C1D: variants seen among roughly 807,000 people sequenced by gnomAD.
C1D encodes the protein nuclear nucleic acid-binding protein C1D.
In C1D, 10 loss-of-function variants were observed where a neutral mutation model predicts 17.5. The observed-to-expected ratio is 0.57, with a 90% confidence interval of 0.35 to 0.97. The LOEUF is 0.97. Ranked by LOEUF, C1D falls within the 50% of genes least tolerant of loss-of-function variation. The pLI, the probability that C1D is intolerant of heterozygous loss-of-function variation, is 0.01. For synonymous variants in C1D, 49 were observed against 54.0 expected (o/e 0.91, Z 0.40); for missense variants, 136 against 160.1 (o/e 0.85, Z 0.81).
At chr2:68,057,466 T>C (rs376209250) in intron 1 of C1D, among the ~76,000 whole-genome samples, 63 of 152,288 alleles carry the variant, frequency 4.1e-4, no homozygotes, top group African/African-American at 1.4e-3. Context: ...TCATCCCATT[T>C]ATTTTGAAGA....
rs1043941269 is a variant in C1D, at chr2:68,046,004, G to C, written c.245C>G (p.Pro82Arg). 1 of 1,588,116 alleles carries C rather than the reference G, an allele frequency of 6.3e-7. No individual in the cohort carries two copies. The highest frequency in any genetic ancestry group is 8.6e-7 in the Non-Finnish European group (1 of 1,167,216). Reference sequence around the variant, plus strand: ...AAATCTTACCAATTCCTGTTTTACTGGATGTTCCTTAGGATTAACTCCTTG... The same window carrying C: ...AAATCTTACCAATTCCTGTTTTACTCGATGTTCCTTAGGATTAACTCCTTG... ...ATQGVNPKEH[P>R]VKQELERIRV... Residue 82 changes from proline to arginine, a missense_variant, in exon 4 of 5, where the codon CCA (proline) becomes CGA (arginine). Transcript: ENST00000410067.
intron 2 of C1D, 134 bp downstream of exon 2, chr2:68,047,039 C>A (rs1671146605): frequency 4.1e-6 from 3 of 735,114 alleles, no homozygotes; most frequent in Non-Finnish European, 6.1e-6. Flanking sequence ...CCTAAAAATA[C>A]CCAAACACTA....
rs3770653 is a variant in C1D, at chr2:68,057,649, T to G, written c.-10+5309A>C. 8.9e-4 allele frequency among the ~76,000 whole-genome samples: 136 copies of G among 152,308 alleles called. 1 individual carries two copies. The East Asian group carries it at 0.02, about 22-fold the overall frequency. ...ATTACAATTTTTAAAGAATAAAATA[T>G]GTAACATATTATAATAATACTTAAG... On this transcript the variant is annotated intron_variant, in intron 1 of 4. Coordinates refer to ENST00000410067, the MANE Select transcript of C1D (RefSeq NM_173177.3).
At chr2:68,046,562 T>A in intron 2 of C1D, 152 bp from the exon 3 acceptor site, 1 of 539,260 alleles carries the variant, frequency 1.9e-6, no homozygotes, top group Non-Finnish European at 3.3e-6. Context: ...AACCAAATGA[T>A]CTGAAAATAA....
At chr2:68,051,967 C>T (rs1671295095) in intron 1 of C1D, among the ~76,000 whole-genome samples, 1 of 151,712 alleles carries the variant, frequency 6.6e-6, no homozygotes, top group African/African-American at 2.4e-5. Context: ...ACAAGCACTG[C>T]CTGACAGTCA....
chr2:68,047,357 C>G, intron 1 of C1D, 38 bp from the exon 2 acceptor site: 2 of 1,535,894 alleles, frequency 1.3e-6, no homozygotes, highest in Non-Finnish European at 1.8e-6. Context: ...ATATTAGAGA[C>G]AGAGCTTGTT....
chr2:68,060,045 C>T (rs917988940), intron 1 of C1D, among the ~76,000 whole-genome samples: 2 of 152,154 alleles, frequency 1.3e-5, no homozygotes, highest in African/African-American at 4.8e-5. Context: ...ACAAACCTGC[C>T]CCTCCCACAG....
rs142373013 is a variant in C1D at position 68,043,438 on chromosome 2, A to G, written c.262-385T>C. Among the ~76,000 whole-genome samples, 21 of 152,358 alleles carry G rather than the reference A, an allele frequency of 1.4e-4. No homozygotes were observed. In the East Asian group the frequency reaches 3.3e-3, roughly 24 times the overall value. ...TAAAGTAAAAAACCGGAGCTTTCAT[A>G]TACTTGCAAAATACAAACTAAATTC... On this transcript the variant is annotated intron_variant, in intron 4 of 4. Coordinates refer to ENST00000410067, the MANE Select transcript of C1D (RefSeq NM_173177.3).
chr2:68,046,443 AAAGT>A, intron 2 of C1D, 33 bp from the exon 3 acceptor site: 1 of 1,470,374 alleles, frequency 6.8e-7, no homozygotes, highest in Non-Finnish European at 9.5e-7. Context: ...GGAAAGAGAG[AAAGT>A]GAGACAGAAA....
At chr2:68,058,167 T>C (rs1671493442) in intron 1 of C1D, among the ~76,000 whole-genome samples, 1 of 152,220 alleles carries the variant, frequency 6.6e-6, no homozygotes, top group Non-Finnish European at 1.5e-5. Flanking sequence ...TTACTGAGCA[T>C]TTACCACATG....
At chr2:68,053,335 A>G (rs1671342356) in intron 1 of C1D, 1 of 947,964 alleles carries the variant, frequency 1.1e-6, no homozygotes, top group Non-Finnish European at 1.5e-6. Flanking sequence ...AAGAGTGCAT[A>G]GCATCACATA....
intron 1 of C1D, among the ~76,000 whole-genome samples, chr2:68,051,631 C>T (rs1220971386): frequency 6.6e-6 from 1 of 152,168 alleles, no homozygotes; most frequent in African/African-American, 2.4e-5. Context: ...TATTTCATTC[C>T]AGCCACATTG....
chr2:68,047,916 G>C (rs1254573598), intron 1 of C1D, among the ~76,000 whole-genome samples: 1 of 152,068 alleles, frequency 6.6e-6, no homozygotes, highest in East Asian at 1.9e-4. Flanking sequence ...AGAAAAACAT[G>C]TATTTTAGTC....
chr2:68,042,408 A>C lies in C1D; in HGVS notation c.*481T>G, dbSNP rs1458604887. 2 of 152,752 alleles carry C rather than the reference A, an allele frequency of 1.3e-5. No homozygotes were observed. The highest frequency in any genetic ancestry group is 4.8e-5 in the African/African-American group (2 of 41,472). The allele number at this position is 152,752 out of a possible 1,614,324, so 9.5% of individuals were successfully genotyped here. On this transcript the variant is annotated 3_prime_UTR_variant, in exon 5 of 5. Coordinates refer to ENST00000410067, the MANE Select transcript of C1D (RefSeq NM_173177.3). Reference sequence around the variant, plus strand: ...TATCAACAAAGCAGTAATTCCTAAAATCATGAAAACATGATAAAGTATCTA... The same window carrying C: ...TATCAACAAAGCAGTAATTCCTAAACTCATGAAAACATGATAAAGTATCTA...
chr2:68,047,357 C>A, intron 1 of C1D, 38 bp from the exon 2 acceptor site: 1 of 1,535,886 alleles, frequency 6.5e-7, no homozygotes, highest in Non-Finnish European at 8.8e-7. Context: ...ATATTAGAGA[C>A]AGAGCTTGTT....
chr2:68,060,225 G>A (rs570847930), intron 1 of C1D, among the ~76,000 whole-genome samples: 1 of 152,074 alleles, frequency 6.6e-6, no homozygotes, highest in East Asian at 1.9e-4. Context: ...CTTCTTTCCA[G>A]CCAGTTAAGA....
At chr2:68,062,156 G>A (rs1356095970) in intron 1 of C1D, among the ~76,000 whole-genome samples, 3 of 152,058 alleles carry the variant, frequency 2.0e-5, no homozygotes, top group Non-Finnish European at 2.9e-5. Flanking sequence ...AAAACATCTC[G>A]TGTACCCCAT....
At chr2:68,062,019 T>C (rs929375777) in intron 1 of C1D, among the ~76,000 whole-genome samples, 5 of 152,226 alleles carry the variant, frequency 3.3e-5, no homozygotes, top group Admixed American at 1.3e-4. Flanking sequence ...TCTGTTGTTT[T>C]TGAATCAAAA....
At position 68,053,324 on chromosome 2, in the gene C1D, C is replaced by T. The variant is rs550840437; in HGVS notation, c.-9-6005G>A. 5 of 1,052,864 alleles carry T rather than the reference C, an allele frequency of 4.7e-6. No individual in the cohort carries two copies. The East Asian group carries it at 1.3e-4, about 28-fold the overall frequency. 65.2% of individuals were successfully genotyped at this position (1,052,864 alleles called of 1,614,324 possible). Reference sequence around the variant, plus strand: ...AAGCCAAAGTACCGATAGGAGAAAACAAGAGTGCATAGCATCACATACAGA... The same window carrying T: ...AAGCCAAAGTACCGATAGGAGAAAATAAGAGTGCATAGCATCACATACAGA... On this transcript the variant is annotated intron_variant, in intron 1 of 4. Coordinates refer to ENST00000410067, the MANE Select transcript of C1D (RefSeq NM_173177.3).
Sources: allele counts gnomAD v4.1 joint callset (sites outside exome capture counted in the v4.1 genomes callset), GRCh38; gene constraint gnomAD v4.1.1; transcripts MANE v1.5; gene names NCBI Gene and HGNC (gene_info 2026-07-23, HGNC 2026-07-21).